SLA: variants seen among roughly 807,000 people sequenced by gnomAD.
SLA encodes the protein Src like adaptor.
In SLA, 16 loss-of-function variants were observed where a neutral mutation model predicts 30.3. The observed-to-expected ratio is 0.53, with a 90% CI of 0.36 to 0.80. The LOEUF (loss-of-function observed/expected upper bound fraction) is 0.80, where lower values mean the gene tolerates loss of function less well. Among genes scored for constraint, SLA ranks in the 30% least tolerant of loss-of-function variants. The pLI is 0.01. For missense variants in SLA, 310 were observed against 345.2 expected, an observed-to-expected ratio of 0.90 and a Z score of 0.81; for synonymous variants, 143 against 137.8, an observed-to-expected ratio of 1.04 and a Z score of -0.26.
intron 5 of SLA, chr8:133,049,239 A>T: frequency 2.3e-6 from 1 of 434,514 alleles, no homozygotes; most frequent in Non-Finnish European, 4.6e-6. Flanking sequence ...GTTTTCTAAG[A>T]TATCTCTTGT....
intron 2 of SLA, among the ~76,000 whole-genome samples, chr8:133,064,907 C>T (rs527559290): frequency 2.4e-4 from 36 of 152,086 alleles, no homozygotes; most frequent in East Asian, 3.9e-4. Flanking sequence ...TATCGTGCAC[C>T]GAAGGGGAGA....
At chr8:133,096,525 AT>A in intron 1 of SLA, 3 of 924,370 alleles carry the variant, frequency 3.2e-6, no homozygotes, top group Non-Finnish European at 4.9e-6. Flanking sequence ...TAATGGGGGG[AT>A]TTAGAAATTA....
chr8:133,059,109 C>T (rs754254133), intron 3 of SLA: 35 of 456,148 alleles, frequency 7.7e-5, no homozygotes, highest in African/African-American at 8.0e-5. Flanking sequence ...CTGTCAGGCT[C>T]GGCAGACAGG....
chr8:133,046,008 G>A (rs921555091), intron 6 of SLA, among the ~76,000 whole-genome samples: 1 of 152,152 alleles, frequency 6.6e-6, no homozygotes, highest in African/African-American at 2.4e-5. Flanking sequence ...CTGGGTATCC[G>A]TAAGAACCAC....
intron 3 of SLA, among the ~76,000 whole-genome samples, chr8:133,057,322 T>A (rs1011229719): frequency 6.6e-6 from 1 of 152,140 alleles, no homozygotes; most frequent in Non-Finnish European, 1.5e-5. Context: ...TATTAAAAAA[T>A]CCTGTACTGC....
At chr8:133,047,496 A>G (rs1303750738) in intron 6 of SLA, 1 of 333,544 alleles carries the variant, frequency 3.0e-6, no homozygotes, top group Non-Finnish European at 5.8e-6. Context: ...GCCCAGGCCC[A>G]TACCAAAGGC....
At chr8:133,092,834 C>T (rs771950416) in intron 1 of SLA, among the ~76,000 whole-genome samples, 1 of 152,168 alleles carries the variant, frequency 6.6e-6, no homozygotes. Flanking sequence ...CAATTTTCCA[C>T]GGTGAAAAAG....
chr8:133,084,195 G>A (rs1303283671), intron 1 of SLA, among the ~76,000 whole-genome samples: 1 of 152,168 alleles, frequency 6.6e-6, no homozygotes, highest in Admixed American at 6.5e-5. Context: ...AGAGAGAGGG[G>A]CAGTCTAGGG....
At chr8:133,067,196 T>C (rs1473363361) in intron 2 of SLA, among the ~76,000 whole-genome samples, 1 of 152,022 alleles carries the variant, frequency 6.6e-6, no homozygotes, top group Non-Finnish European at 1.5e-5. Flanking sequence ...CCTCTCTGAG[T>C]GCGAGGCTGG....
chr8:133,100,203 T>C (rs1022419415), intron 1 of SLA, among the ~76,000 whole-genome samples: 1 of 152,210 alleles, frequency 6.6e-6, no homozygotes, highest in Non-Finnish European at 1.5e-5. Flanking sequence ...TTCTGGAATG[T>C]TCTTCCCAGA....
chr8:133,078,413 C>G (rs1011111308), intron 1 of SLA, among the ~76,000 whole-genome samples: 5 of 152,192 alleles, frequency 3.3e-5, no homozygotes, highest in African/African-American at 1.2e-4. Context: ...AGTTCGCTTC[C>G]ATGTCTTCCC....
At chr8:133,054,017 C>G (rs142811615) in intron 3 of SLA, among the ~76,000 whole-genome samples, 12 of 152,282 alleles carry the variant, frequency 7.9e-5, no homozygotes, top group African/African-American at 2.9e-4. Context: ...TTGGCTTGTA[C>G]TTCTGTGGGG....
chr8:133,084,346 T>C (rs1480225235), intron 1 of SLA, among the ~76,000 whole-genome samples: 1 of 152,236 alleles, frequency 6.6e-6, no homozygotes, highest in African/African-American at 2.4e-5. Context: ...CAAGTTATAA[T>C]GATGAAATTA....
chr8:133,050,359 T>C, intron 4 of SLA: 2 of 285,656 alleles, frequency 7.0e-6, no homozygotes, highest in Non-Finnish European at 6.7e-6. Flanking sequence ...AGTGAAGATC[T>C]AAATAAAAGG....
At chr8:133,073,244 A>C (rs1246096337) in intron 2 of SLA, 11 of 152,184 alleles carry the variant, frequency 7.2e-5, no homozygotes, top group Non-Finnish European at 2.9e-5. Flanking sequence ...TCTGATCTAG[A>C]TTGTAGATCT....
intron 2 of SLA, among the ~76,000 whole-genome samples, chr8:133,067,916 AAAG>A (rs1388392608): frequency 0.32 from 29,657 of 91,734 alleles, 3,561 homozygotes; most frequent in Middle Eastern, 0.4. Flanking sequence ...GGAAGGAAGG[AAAG>A]AGAGAGAGAG....
chr8:133,074,742 G>T, intron 2 of SLA, 111 bp downstream of exon 2: 1 of 542,910 alleles, frequency 1.8e-6, no homozygotes, highest in Non-Finnish European at 2.3e-6. Context: ...TGCCCCACCT[G>T]TTCTCAGGGA....
intron 2 of SLA, among the ~76,000 whole-genome samples, chr8:133,062,212 C>A (rs1232622529): frequency 6.6e-6 from 1 of 152,120 alleles, no homozygotes; most frequent in Non-Finnish European, 1.5e-5. Context: ...TTGCCCCTAC[C>A]CTCCTCACAA....
At chr8:133,088,902 T>C (rs1233793596) in intron 1 of SLA, among the ~76,000 whole-genome samples, 1 of 149,578 alleles carries the variant, frequency 6.7e-6, no homozygotes, top group Non-Finnish European at 1.5e-5. Flanking sequence ...GATTTTAGTG[T>C]AGAAAACATG....
Sources: allele counts gnomAD v4.1 joint callset (sites outside exome capture counted in the v4.1 genomes callset), GRCh38; gene constraint gnomAD v4.1.1; transcripts MANE v1.5; gene names NCBI Gene and HGNC (gene_info 2026-07-23, HGNC 2026-07-21).